VPS13B: variants seen among roughly 807,000 people sequenced by gnomAD.
VPS13B encodes intermembrane lipid transfer protein VPS13B.
Under a neutral mutation model 426.4 loss-of-function variants are expected in VPS13B, and 285 were observed. The ratio of observed to expected loss-of-function variants is 0.67; its 90% CI spans 0.61 to 0.74. VPS13B has a LOEUF of 0.74. Among genes scored for constraint, VPS13B ranks in the 30% least tolerant of loss-of-function variants. VPS13B has a pLI of 0.00. For synonymous variants in VPS13B, 1,676 were observed against 1,676.4 expected (o/e 1.00, Z 0.01); for missense variants, 4,537 against 4,782.6 (o/e 0.95, Z 1.51).
At chr8:99,295,744 G>T (rs1819999351) in intron 19 of VPS13B, among the ~76,000 whole-genome samples, 1 of 152,162 alleles carries the variant, frequency 6.6e-6, no homozygotes, top group African/African-American at 2.4e-5. Flanking sequence ...ATTTGAAGTA[G>T]AAGGCCAGGC....
At chr8:99,815,657 A>ATGTG (rs34093323) in intron 44 of VPS13B, among the ~76,000 whole-genome samples, 28,960 of 151,752 alleles carry the variant, frequency 0.19, 3,219 homozygotes, top group African/African-American at 0.32. Flanking sequence ...TATACTGTGT[A>ATGTG]TGTGTGTGTG....
At chr8:99,125,740 C>T (rs978333802) in intron 8 of VPS13B, among the ~76,000 whole-genome samples, 1 of 152,102 alleles carries the variant, frequency 6.6e-6, no homozygotes, top group Non-Finnish European at 1.5e-5. Context: ...CTAAATGCCA[C>T]TGAATTGTAT....
intron 3 of VPS13B, among the ~76,000 whole-genome samples, chr8:99,078,249 T>A (rs1845244996): frequency 6.6e-6 from 1 of 151,660 alleles, no homozygotes; most frequent in Admixed American, 6.6e-5. Flanking sequence ...TGTGTCTTTA[T>A]GTTGATATTT....
At chr8:99,144,141 A>G (rs933669984) in intron 13 of VPS13B, among the ~76,000 whole-genome samples, 2 of 152,094 alleles carry the variant, frequency 1.3e-5, no homozygotes, top group African/African-American at 4.8e-5. Context: ...CTAGGTCCTC[A>G]GTACTGTGAT....
At chr8:99,561,242 A>G (rs1288410498) in intron 31 of VPS13B, among the ~76,000 whole-genome samples, 2 of 152,188 alleles carry the variant, frequency 1.3e-5, no homozygotes, top group Admixed American at 6.6e-5. Context: ...AAATTCACCA[A>G]TCTGGATTTA....
chr8:99,631,811 C>A (rs191076980), intron 33 of VPS13B, among the ~76,000 whole-genome samples: 69 of 151,670 alleles, frequency 4.5e-4, no homozygotes, highest in African/African-American at 1.5e-3. Context: ...TTTTTATATC[C>A]TTAGCTAGTG....
At chr8:99,414,868 A>G (rs1482475633) in intron 21 of VPS13B, among the ~76,000 whole-genome samples, 1 of 150,986 alleles carries the variant, frequency 6.6e-6, no homozygotes, top group Non-Finnish European at 1.5e-5. Context: ...CTTCATTTCA[A>G]CCATCATTAT....
At chr8:99,426,278 T>C (rs2133393762) in intron 21 of VPS13B, among the ~76,000 whole-genome samples, 1 of 85,730 alleles carries the variant, frequency 1.2e-5, no homozygotes, top group East Asian at 3.9e-4. Context: ...TTCCATGGTG[T>C]ATATGTGCCA....
intron 28 of VPS13B, 45 bp from the exon 29 acceptor site, chr8:99,511,059 T>A (rs1473078366): frequency 6.2e-7 from 1 of 1,602,884 alleles, no homozygotes; most frequent in East Asian, 2.2e-5. Flanking sequence ...TTAAAAAAAA[T>A]CTTTTTAATG....
chr8:99,371,184 A>G (rs1278068656), intron 19 of VPS13B, among the ~76,000 whole-genome samples: 2 of 152,208 alleles, frequency 1.3e-5, no homozygotes, highest in African/African-American at 4.8e-5. Context: ...TACATGGCTA[A>G]CACCACAGTT....
At chr8:99,865,539 G>C (rs1320345412) in intron 58 of VPS13B, among the ~76,000 whole-genome samples, 1 of 152,230 alleles carries the variant, frequency 6.6e-6, no homozygotes, top group African/African-American at 2.4e-5. Flanking sequence ...CTCAAGAGTT[G>C]CACATCCCAA....
intron 3 of VPS13B, among the ~76,000 whole-genome samples, chr8:99,074,051 A>G (rs1008103608): frequency 2.0e-5 from 3 of 152,134 alleles, no homozygotes; most frequent in African/African-American, 7.2e-5. Context: ...TACAGGTGTG[A>G]ACCACCATGC....
intron 19 of VPS13B, among the ~76,000 whole-genome samples, chr8:99,302,620 C>G (rs1820425869): frequency 6.6e-6 from 1 of 152,090 alleles, no homozygotes; most frequent in Non-Finnish European, 1.5e-5. Context: ...AGCAATTCTC[C>G]TGCCTCAGCC....
intron 33 of VPS13B, among the ~76,000 whole-genome samples, chr8:99,579,078 A>G (rs1280607133): frequency 6.6e-6 from 1 of 152,210 alleles, no homozygotes; most frequent in East Asian, 1.9e-4. Context: ...ACATTTTTAA[A>G]TGGTTAAAAT....
intron 24 of VPS13B, among the ~76,000 whole-genome samples, chr8:99,479,519 G>C: frequency 6.6e-6 from 1 of 152,060 alleles, no homozygotes; most frequent in East Asian, 1.9e-4. Context: ...AATTTGTTAA[G>C]ATTTGGCATA....
At chr8:99,213,276 T>C (rs1037360059) in intron 17 of VPS13B, among the ~76,000 whole-genome samples, 2 of 152,160 alleles carry the variant, frequency 1.3e-5, no homozygotes, top group African/African-American at 2.4e-5. Flanking sequence ...TTGTTATTAC[T>C]ACCTAATTCT....
intron 17 of VPS13B, among the ~76,000 whole-genome samples, chr8:99,210,291 A>G (rs1815002897): frequency 6.6e-6 from 1 of 152,142 alleles, no homozygotes; most frequent in South Asian, 2.1e-4. Flanking sequence ...TATTCTCAGC[A>G]CCTCATTTCT....
intron 36 of VPS13B, among the ~76,000 whole-genome samples, chr8:99,704,068 C>A (rs555391009): frequency 1.1e-4 from 16 of 152,090 alleles, no homozygotes; most frequent in Non-Finnish European, 2.4e-4. Flanking sequence ...GATCCCCTGT[C>A]CATAAGGACT....
chr8:99,083,021 G>T (rs2132378346), intron 3 of VPS13B, among the ~76,000 whole-genome samples: 1 of 152,268 alleles, frequency 6.6e-6, no homozygotes, highest in East Asian at 1.9e-4. Flanking sequence ...AGCTTGATGG[G>T]AATGGCATTG....
Sources: gnomAD v4.1 joint callset for allele counts (sites outside exome capture counted in the v4.1 genomes callset) on GRCh38, gnomAD v4.1.1 for gene constraint, MANE v1.5 for transcripts, NCBI Gene and HGNC (gene_info 2026-07-23, HGNC 2026-07-21) for gene names.